Variants in RNPC3 observed in about 807,000 individuals in gnomAD.
RNPC3 encodes RNA binding region (RNP1, RRM) containing 3, also known as RNA-binding region-containing protein 3.
A neutral mutation model predicts 67.5 loss-of-function variants in RNPC3; 48 were observed. The ratio of observed to expected loss-of-function variants is 0.71; its 90% CI spans 0.56 to 0.90. The LOEUF is 0.90. Ranked by LOEUF, RNPC3 falls within the 40% of genes least tolerant of loss-of-function variation. The pLI, the probability that RNPC3 is intolerant of heterozygous loss-of-function variation, is 0.00. For synonymous variants in RNPC3, 239 were observed against 210.3 expected (o/e 1.14, Z -1.18); for missense variants, 637 against 626.1 (o/e 1.02, Z -0.19).
intron 8 of RNPC3, among the ~76,000 whole-genome samples, chr1:103,542,038 A>C (rs1389336568): frequency 2.0e-5 from 3 of 152,138 alleles, no homozygotes; most frequent in South Asian, 2.1e-4. Context: ...TTTTCTGCTA[A>C]ATATTGTGTG....
At chr1:103,534,694 GA>G (rs1650939666) in intron 3 of RNPC3, 79 bp from the exon 4 acceptor site, 3 of 630,178 alleles carry the variant, frequency 4.8e-6, no homozygotes, top group Non-Finnish European at 7.5e-6. Flanking sequence ...TGACATGTTT[GA>G]AAAGGTAATT....
chr1:103,539,315 G>A (rs1001322226), intron 7 of RNPC3, among the ~76,000 whole-genome samples: 1 of 152,102 alleles, frequency 6.6e-6, no homozygotes, highest in African/African-American at 2.4e-5. Context: ...CCCAAGTAGT[G>A]GTACAATGTG....
chr1:103,544,879 G>T (rs1651207139), intron 9 of RNPC3, 62 bp from the exon 10 acceptor site: 6 of 1,049,386 alleles, frequency 5.7e-6, no homozygotes, highest in East Asian at 2.8e-5. Context: ...AGGAGGTGGG[G>T]ACCCAAAAAC....
chr1:103,527,610 C>G (rs1650751100), intron 1 of RNPC3, 85 bp from the exon 2 acceptor site: 2 of 943,520 alleles, frequency 2.1e-6, no homozygotes, highest in Non-Finnish European at 3.3e-6. Context: ...TAACATGTCA[C>G]ATTACTCCAC....
chr1:103,544,946 C>A lies in RNPC3; in HGVS notation c.1051C>A (p.Pro351Thr), dbSNP rs1374572370. 4 of 1,521,154 alleles carry A rather than the reference C, an allele frequency of 2.6e-6. No individual in the cohort carries two copies. Among genetic ancestry groups the A allele is most frequent in the Non-Finnish European group, 2.6e-6 (3 of 1,139,346 alleles). The allele number at this position is 1,521,154 out of a possible 1,614,324, so 94.2% of individuals were successfully genotyped here. Residue 351 changes from proline (P) to threonine (T), a missense_variant, in exon 10 of 15, where the codon CCT (proline) becomes ACT (threonine). Transcript: ENST00000423855. Reference sequence around the variant, plus strand: ...TGTTAATATTGAACTCTTAGATTTACCTGCTACTGAAGTTGATGCATCCAA... The same window carrying A: ...TGTTAATATTGAACTCTTAGATTTAACTGCTACTGAAGTTGATGCATCCAA... ...QNCEEKNHDL[P>T]ATEVDASNIG... is the part of the protein sequence containing the mutation.
In RNPC3 at chr1:103,534,876, T is replaced by G; in HGVS notation, c.443+19T>G. ...ACCATGGGTTAGCATTTTTGTTTGCTTTTCTTTTGCTTTTGTTCTGTGTTA... is the reference window on the plus strand; with the variant it reads ...ACCATGGGTTAGCATTTTTGTTTGCGTTTCTTTTGCTTTTGTTCTGTGTTA... On this transcript the variant is annotated intron_variant, in intron 4 of 14. Transcript: ENST00000423855. 6.8e-7 allele frequency: 1 copy of G among 1,464,928 alleles called. No homozygotes were observed. The highest frequency in any genetic ancestry group is 9.2e-7 in the Non-Finnish European group (1 of 1,088,238). The allele number at this position is 1,464,928 out of a possible 1,614,324, so 90.7% of individuals were successfully genotyped here.
At chr1:103,549,458 G>C (rs1035364134) in intron 12 of RNPC3, among the ~76,000 whole-genome samples, 8 of 151,834 alleles carry the variant, frequency 5.3e-5, no homozygotes, top group Non-Finnish European at 1.0e-4. Flanking sequence ...TATTTTTTCT[G>C]CTGGCCATGC....
chr1:103,531,656 T>G (rs1650862156), intron 2 of RNPC3, among the ~76,000 whole-genome samples: 1 of 152,164 alleles, frequency 6.6e-6, no homozygotes, highest in African/African-American at 2.4e-5. Context: ...TTGAGAATTG[T>G]CTATTCATGT....
chr1:103,554,313 C>T (rs577856717), intron 14 of RNPC3: 144 of 152,300 alleles, frequency 9.5e-4, no homozygotes, highest in African/African-American at 3.3e-3. Context: ...ATGATCACAC[C>T]ACTGCATTCT....
At chr1:103,527,791 C>G in intron 2 of RNPC3, 49 bp downstream of exon 2, 1 of 1,325,420 alleles carries the variant, frequency 7.5e-7, no homozygotes, top group Non-Finnish European at 1.1e-6. Context: ...TCCTCTTATA[C>G]AATCTTGGTT....
intron 2 of RNPC3, among the ~76,000 whole-genome samples, chr1:103,533,454 C>A (rs1650908856): frequency 6.6e-6 from 1 of 151,896 alleles, no homozygotes; most frequent in African/African-American, 2.4e-5. Flanking sequence ...GAAAGTGAGG[C>A]CAGGGAAATT....
At chr1:103,534,307 C>T (rs1256612479) in intron 3 of RNPC3, among the ~76,000 whole-genome samples, 1 of 151,892 alleles carries the variant, frequency 6.6e-6, no homozygotes, top group Admixed American at 6.6e-5. Context: ...GATCAAAATA[C>T]AGAACCTTGA....
At chr1:103,538,420 G>T (rs946546706) in intron 7 of RNPC3, among the ~76,000 whole-genome samples, 2 of 152,146 alleles carry the variant, frequency 1.3e-5, no homozygotes, top group Admixed American at 6.5e-5. Flanking sequence ...GCTCAAGAAC[G>T]CTATGTCAAG....
rs1388286182 is a variant in RNPC3, at chr1:103,536,184, G to A, written c.614G>A (p.Arg205Gln). The change falls in exon 6 of 15, where the codon CGA becomes CAA. Residue 205 changes from arginine to glutamine, a missense_variant. Physicochemically the swap from Arg to Gln is conservative, Grantham distance 43. Coordinates refer to ENST00000423855, the MANE Select transcript of RNPC3 (RefSeq NM_017619.4). ...LPTPFGPITA[R>Q]PPMYEDYMPL... ...ACACCTTTTGGACCAATTACTGCGC[G>A]ACCTCCCATGGTAAGAAAACTCTTA... 1.3e-5 allele frequency: 20 copies of A among 1,534,876 alleles called. No individual in the cohort carries two copies. Among genetic ancestry groups the A allele is most frequent in the East Asian group, 4.9e-5 (2 of 40,854 alleles).
chr1:103,551,124 T>C (rs1651378340), intron 13 of RNPC3, 51 bp downstream of exon 13: 1 of 1,422,080 alleles, frequency 7.0e-7, no homozygotes, highest in Admixed American at 2.7e-5. Flanking sequence ...TAGAAGGATA[T>C]AACTGAAATT....
chr1:103,546,901 C>T, intron 11 of RNPC3, 76 bp from the exon 12 acceptor site: 1 of 722,498 alleles, frequency 1.4e-6, no homozygotes. Context: ...TCTACTGATG[C>T]ATTGATGTAT....
intron 13 of RNPC3, 99 bp from the exon 14 acceptor site, chr1:103,551,622 A>AAAAACCATACTCCCAAAATTAT: frequency 1.4e-6 from 1 of 720,194 alleles, no homozygotes; most frequent in Non-Finnish European, 2.3e-6. Context: ...AGGTAAATTA[A>AAAAACCATACTCCCAAAATTAT]AAAACCATAC....
At chr1:103,550,463 A>G (rs1651360422) in intron 12 of RNPC3, among the ~76,000 whole-genome samples, 2 of 151,988 alleles carry the variant, frequency 1.3e-5, no homozygotes, top group South Asian at 4.2e-4. Context: ...AACACGGTGA[A>G]ACCCCATCTC....
At chr1:103,526,990 TCA>T (rs1650731304) in intron 1 of RNPC3, among the ~76,000 whole-genome samples, 1 of 151,802 alleles carries the variant, frequency 6.6e-6, no homozygotes. Context: ...CCAATTTTGA[TCA>T]GTTTAAATGT....
Sources: gnomAD v4.1 joint callset for allele counts (sites outside exome capture counted in the v4.1 genomes callset) on GRCh38, gnomAD v4.1.1 for gene constraint, MANE v1.5 for transcripts, NCBI Gene and HGNC (gene_info 2026-07-23, HGNC 2026-07-21) for gene names.